XPR1: variants seen among roughly 807,000 people sequenced by gnomAD.
XPR1 encodes xenotropic and polytropic retrovirus receptor 1, also known as solute carrier family 53 member 1.
XPR1 carries 28 observed loss-of-function variants against 87.5 expected under a neutral mutation model. That is an observed-to-expected ratio of 0.32 (90% CI 0.24 to 0.44). The LOEUF is 0.44. Ranked by LOEUF, XPR1 falls within the 20% of genes least tolerant of loss-of-function variation. XPR1 has a pLI of 1.00. For missense variants in XPR1, 559 were observed against 862.3 expected (o/e 0.65, Z 4.41); for synonymous variants, 300 against 306.1 (o/e 0.98, Z 0.21).
chr1:180,864,018 C>A, intron 12 of XPR1, 144 bp downstream of exon 12: 1 of 612,568 alleles, frequency 1.6e-6, no homozygotes, highest in Non-Finnish European at 2.4e-6. Flanking sequence ...TTCATTCGGT[C>A]AGCAAAAATA....
At chr1:180,742,605 T>C (rs1658957844) in intron 2 of XPR1, among the ~76,000 whole-genome samples, 1 of 152,124 alleles carries the variant, frequency 6.6e-6, no homozygotes, top group Admixed American at 6.5e-5. Flanking sequence ...ATGTATATTC[T>C]GGTGGCGTTC....
chr1:180,733,505 A>G (rs1261842318), intron 2 of XPR1, among the ~76,000 whole-genome samples: 1 of 152,200 alleles, frequency 6.6e-6, no homozygotes, highest in African/African-American at 2.4e-5. Context: ...GGAGATATGC[A>G]TGGAGCTAGA....
intron 11 of XPR1, among the ~76,000 whole-genome samples, chr1:180,838,134 C>G (rs1558033432): frequency 6.6e-6 from 1 of 152,232 alleles, no homozygotes; most frequent in African/African-American, 2.4e-5. Flanking sequence ...TCTATTAACA[C>G]ATATTTGGTA....
intron 3 of XPR1, among the ~76,000 whole-genome samples, chr1:180,796,174 T>C (rs962976543): frequency 2.6e-5 from 4 of 151,852 alleles, no homozygotes; most frequent in Non-Finnish European, 4.4e-5. Context: ...CTTTTATATA[T>C]ACACACACAC....
intron 3 of XPR1, among the ~76,000 whole-genome samples, chr1:180,794,344 C>T (rs534267452): frequency 6.6e-6 from 1 of 152,308 alleles, no homozygotes; most frequent in South Asian, 2.1e-4. Flanking sequence ...TACTGTTGTA[C>T]ATGCTGTCAG....
At chr1:180,759,755 A>T (rs1647923066) in intron 2 of XPR1, among the ~76,000 whole-genome samples, 1 of 152,214 alleles carries the variant, frequency 6.6e-6, no homozygotes, top group African/African-American at 2.4e-5. Flanking sequence ...ATCCTCCCTA[A>T]CTCATTTTAT....
intron 1 of XPR1, among the ~76,000 whole-genome samples, chr1:180,659,648 A>T (rs1655696850): frequency 7.7e-6 from 1 of 129,738 alleles, no homozygotes; most frequent in Non-Finnish European, 1.6e-5. Context: ...CCTCCCGAGT[A>T]GCTGGGATTA....
At chr1:180,686,315 C>G (rs981055793) in intron 2 of XPR1, among the ~76,000 whole-genome samples, 20 of 152,206 alleles carry the variant, frequency 1.3e-4, no homozygotes, top group Admixed American at 1.2e-3. Flanking sequence ...GTTTCTTAAT[C>G]CTGAGTTCTA....
Position 180,772,505 on chromosome 1 carries a change from A to G in XPR1, c.122-15248A>G, listed in dbSNP as rs539131821. On this transcript the variant is annotated intron_variant, in intron 2 of 14. Coordinates refer to ENST00000367590, the MANE Select transcript of XPR1 (RefSeq NM_004736.4). ...TGTGTCTGTCTGTCTGTCTTTGTGT[A>G]TGAACTTTGTATACACACTGATAAG... 3.2e-4 allele frequency among the ~76,000 whole-genome samples: 48 copies of G among 152,194 alleles called. 2 individuals carry two copies. The South Asian group carries it at 9.2e-3, about 29-fold the overall frequency.
At chr1:180,782,448 T>C (rs989918404) in intron 2 of XPR1, among the ~76,000 whole-genome samples, 1 of 152,040 alleles carries the variant, frequency 6.6e-6, no homozygotes, top group Non-Finnish European at 1.5e-5. Context: ...GCCTCTTTTC[T>C]TCTTTGCAAG....
At chr1:180,714,047 G>GT (rs1337805191) in intron 2 of XPR1, among the ~76,000 whole-genome samples, 1 of 146,758 alleles carries the variant, frequency 6.8e-6, no homozygotes, top group Non-Finnish European at 1.5e-5. Context: ...TTAGGTTATT[G>GT]TTTTTTCTTG....
intron 12 of XPR1, among the ~76,000 whole-genome samples, chr1:180,864,741 C>T (rs76516472): frequency 1.1e-3 from 167 of 152,158 alleles, no homozygotes; most frequent in African/African-American, 3.9e-3. Context: ...AATATCTGTA[C>T]TCAGATATTT....
chr1:180,783,461 G>T (rs886230648), intron 2 of XPR1, among the ~76,000 whole-genome samples: 1 of 151,950 alleles, frequency 6.6e-6, no homozygotes, highest in Non-Finnish European at 1.5e-5. Context: ...ATAGCAAAAT[G>T]TGAGAATCCT....
chr1:180,659,118 CCCTCCTTCCCTCCCTCCCTCCTTTCCTT>C lies in XPR1; in HGVS notation c.70-23238_70-23211del, dbSNP rs1655647708. On this transcript the variant is annotated intron_variant, in intron 1 of 14. Transcript: ENST00000367590. ...TCCCTCCCTCCCTCCCTTCCTCCCT[CCCTCCTTCCCTCCCTCCCTCCTTTCCTT>C]CCTTCTTTCCCATCAGTGTTCACTA... is the stretch of plus-strand genomic sequence containing the variant. Among the ~76,000 whole-genome samples, 87 of 107,286 alleles carry C rather than the reference CCCTCCTTCCCTCCCTCCCTCCTTTCCTT, an allele frequency of 8.1e-4. No individual in the cohort carries two copies. In the Middle Eastern group the frequency reaches 0.019, roughly 23 times the overall value. 70.4% of individuals were successfully genotyped at this position (107,286 alleles called of 152,430 possible). A position where few individuals can be genotyped will look rare whatever the true frequency, so the allele number is the denominator to read the frequency against.
chr1:180,666,728 G>T (rs1184300156), intron 1 of XPR1, among the ~76,000 whole-genome samples: 1 of 152,020 alleles, frequency 6.6e-6, no homozygotes, highest in East Asian at 1.9e-4. Flanking sequence ...TCTTTTTTTG[G>T]TGTGGAATCT....
At chr1:180,845,677 T>C (rs1016375077) in intron 11 of XPR1, among the ~76,000 whole-genome samples, 2 of 152,196 alleles carry the variant, frequency 1.3e-5, no homozygotes, top group Non-Finnish European at 2.9e-5. Flanking sequence ...CGTGCTACCA[T>C]GCCCAGCTAA....
At chr1:180,748,367 A>G (rs1376248053) in intron 2 of XPR1, among the ~76,000 whole-genome samples, 1 of 138,442 alleles carries the variant, frequency 7.2e-6, no homozygotes, top group Non-Finnish European at 1.6e-5. Flanking sequence ...CTCATCACTT[A>G]ATTATTTTGC....
intron 13 of XPR1, 114 bp downstream of exon 13, chr1:180,874,056 T>A (rs2102219364): frequency 8.1e-7 from 1 of 1,240,562 alleles, no homozygotes; most frequent in East Asian, 2.6e-5. Context: ...ATTTTCCAAC[T>A]TTTCTCAAAT....
At chr1:180,765,499 A>G (rs540071355) in intron 2 of XPR1, among the ~76,000 whole-genome samples, 15 of 152,288 alleles carry the variant, frequency 9.8e-5, no homozygotes, top group Admixed American at 4.6e-4. Context: ...AACTACTTTC[A>G]AATACAGTTG....
Sources: allele counts gnomAD v4.1 joint callset (sites outside exome capture counted in the v4.1 genomes callset), GRCh38; gene constraint gnomAD v4.1.1; transcripts MANE v1.5; gene names NCBI Gene and HGNC (gene_info 2026-07-23, HGNC 2026-07-21).